Variants in PIGR observed in about 807,000 individuals in gnomAD.
PIGR encodes polymeric immunoglobulin receptor.
Under a neutral mutation model 69.5 loss-of-function variants are expected in PIGR, and 22 were observed. The ratio of observed to expected loss-of-function variants is 0.32; its 90% confidence interval spans 0.23 to 0.45. The LOEUF is 0.45. Among genes scored for constraint, PIGR ranks in the 20% least tolerant of loss-of-function variants. The pLI is 1.00. For missense variants in PIGR, 885 were observed against 974.0 expected (o/e 0.91, Z 1.22); for synonymous variants, 413 against 407.6 (o/e 1.01, Z -0.16).
chr1:206,940,299 C>T (rs947437749), intron 2 of PIGR, among the ~76,000 whole-genome samples, 190 bp downstream of exon 2: 1 of 152,178 alleles, frequency 6.6e-6, no homozygotes, highest in African/African-American at 2.4e-5. Flanking sequence ...CATTCCTGTC[C>T]CTGACTTCCA....
In PIGR at chr1:206,937,699, C is replaced by T. The variant is rs372767022; in HGVS notation, c.441G>A (p.Thr147=). ...TCTTGAAAGGGCAGTTGATGGTCAC[C>T]GTTCTGCCCAGGTCCACTGTGTAGA... ...TKVYTVDLGR[T]VTINCPFKTE... The change falls in exon 4 of 11, where the codon ACG becomes ACA. Residue 147 remains threonine, a synonymous_variant. Coordinates refer to ENST00000356495, the MANE Select transcript of PIGR (RefSeq NM_002644.4). The T allele has an allele frequency of 1.1e-5, 17 of 1,613,880 alleles. No individual in the cohort carries two copies. The highest frequency in any genetic ancestry group is 9.3e-5 in the African/African-American group (7 of 74,900).
intron 1 of PIGR, among the ~76,000 whole-genome samples, chr1:206,941,654 A>G (rs570268916): frequency 1.3e-5 from 2 of 152,332 alleles, no homozygotes; most frequent in South Asian, 4.1e-4. Context: ...GACAAAGATG[A>G]AGAATCGAAG....
intron 1 of PIGR, among the ~76,000 whole-genome samples, chr1:206,944,679 G>A (rs986372787): frequency 6.6e-5 from 10 of 152,122 alleles, no homozygotes; most frequent in Non-Finnish European, 1.2e-4. Flanking sequence ...AGTGACATTG[G>A]GACTCCAGCC....
chr1:206,931,065 C>T (rs564196430), intron 10 of PIGR: 19 of 985,378 alleles, frequency 1.9e-5, no homozygotes, highest in Middle Eastern at 5.2e-4. Context: ...AACTGCCCAC[C>T]GCAAGCAAAT....
rs200375930 is a variant in PIGR at position 206,935,696 on chromosome 1, C to T, written c.1168G>A (p.Ala390Thr). 1 of 1,614,016 alleles carries T rather than the reference C, an allele frequency of 6.2e-7. No individual in the cohort carries two copies. The highest frequency in any genetic ancestry group is 8.5e-7 in the Non-Finnish European group (1 of 1,179,990). The change falls in exon 5 of 11, where the codon GCC (alanine) becomes ACC (threonine). Residue 390 changes from alanine (A) to threonine (T), a missense_variant. Transcript: ENST00000356495. The surrounding 1 kb of genome is among the most constrained non-coding windows in gnomAD (Gnocchi z 4.4). ...AGCAGGGGGCAGCGGCCATTCTGGGCCCCTTCCCAGAGACACCAGTACTTG... is the reference window on the plus strand; with the variant it reads ...AGCAGGGGGCAGCGGCCATTCTGGGTCCCTTCCCAGAGACACCAGTACTTG... ...SIKYWCLWEG[A>T]QNGRCPLLVD...
At chr1:206,941,338 T>C (rs192143975) in intron 1 of PIGR, among the ~76,000 whole-genome samples, 1 of 152,202 alleles carries the variant, frequency 6.6e-6, no homozygotes, top group African/African-American at 2.4e-5. Flanking sequence ...GTCCATGTGC[T>C]TAACCTCTCC....
In PIGR at chr1:206,930,954, C is replaced by G; in HGVS notation, c.2200-541G>C. Reference sequence around the variant, plus strand: ...CATGAGATGTTATTTTTCTTGGTCCCCTGAGTCCTAGGGCAGATTGAGGGG... The same window carrying G: ...CATGAGATGTTATTTTTCTTGGTCCGCTGAGTCCTAGGGCAGATTGAGGGG... On this transcript the variant is annotated intron_variant, in intron 10 of 10. Transcript: ENST00000356495. This position sits in a 1 kb window ranked among gnomAD's most constrained non-coding sequence, Gnocchi z 4.3. 1.0e-6 allele frequency: 1 copy of G among 985,374 alleles called. No individual in the cohort carries two copies. The highest frequency in any genetic ancestry group is 1.7e-5 in the African/African-American group (1 of 57,340). 61.0% of individuals were successfully genotyped at this position (985,374 alleles called of 1,614,324 possible).
In PIGR at chr1:206,930,350, C is replaced by G; in HGVS notation, c.2263G>C (p.Ala755Pro). ...TCCTGGGGGCCGTCCTGGGCCTCGG[C>G]GGCCACGGTGCTGGACTGGAGCAGG... ...DFLLQSSTVA[A>P]EAQDGPQEA The change falls in exon 11 of 11, where the codon GCC (alanine) becomes CCC (proline). Residue 755 changes from alanine to proline, a missense_variant. By Grantham distance (27) the Ala-to-Pro change is conservative. Transcript: ENST00000356495. This position sits in a 1 kb window ranked among gnomAD's most constrained non-coding sequence, Gnocchi z 4.3. 1 of 1,611,510 alleles carries G rather than the reference C, an allele frequency of 6.2e-7. No individual in the cohort carries two copies. The highest frequency in any genetic ancestry group is 8.5e-7 in the Non-Finnish European group (1 of 1,178,740).
chr1:206,944,371 G>C (rs990318998), intron 1 of PIGR, among the ~76,000 whole-genome samples: 7 of 152,154 alleles, frequency 4.6e-5, no homozygotes, highest in African/African-American at 1.7e-4. Flanking sequence ...TACTCAGGAG[G>C]CTGAGGTAGG....
At position 206,933,015 on chromosome 1, in the gene PIGR, A is replaced by G. The variant is rs1196226610; in HGVS notation, c.1857T>C (p.Asp619=). The G allele has an allele frequency of 6.2e-7, 1 of 1,614,186 alleles. No homozygotes were observed. Among genetic ancestry groups the G allele is most frequent in the Non-Finnish European group, 8.5e-7 (1 of 1,180,034 alleles). ...CGGAATCCACAGATGCTCTGCTCCC[A>G]TCGGCTTGATCTCTTGTATCTGCCA... The part of the protein sequence containing the change: ...KAVADTRDQA[D]GSRASVDSGS... Residue 619 remains aspartate (D), a synonymous_variant, in exon 7 of 11, where the codon GAT becomes GAC. Transcript: ENST00000356495.
chr1:206,944,383 G>A (rs1433058242), intron 1 of PIGR, among the ~76,000 whole-genome samples: 1 of 152,142 alleles, frequency 6.6e-6, no homozygotes, highest in African/African-American at 2.4e-5. Flanking sequence ...TGAGGTAGGA[G>A]AATCGCTGGA....
chr1:206,939,295 T>C lies in PIGR; in HGVS notation c.212A>G (p.Glu71Gly). Residue 71 changes from glutamate (E) to glycine (G), a missense_variant, in exon 3 of 11, where the codon GAG becomes GGG. Physicochemically the swap from Glu to Gly is moderately conservative, Grantham distance 98. Transcript: ENST00000356495. The stretch of plus-strand genomic sequence containing the variant: ...TGCATATTTGCTGGAGACGTAGCCC[T>C]CCGAGGAGATGAGGGTTATGCAGCC... ...RGGCITLISS[E>G]GYVSSKYAGR... 1.2e-6 allele frequency: 2 copies of C among 1,614,208 alleles called. No homozygotes were observed. Among genetic ancestry groups the C allele is most frequent in the Non-Finnish European group, 1.7e-6 (2 of 1,180,036 alleles).
rs373387196 is a variant in PIGR at position 206,937,105 on chromosome 1, G to C, written c.1035C>G (p.Phe345Leu). The part of the protein sequence containing the change: ...EGSPIQAWQL[F>L]VNEESTIPRS... Reference sequence around the variant, plus strand: ...TCTCTAGGGTCTTACCCTCATTGACGAAGAGTTGCCAGGCCTGGATAGGCG... The same window carrying C: ...TCTCTAGGGTCTTACCCTCATTGACCAAGAGTTGCCAGGCCTGGATAGGCG... The change falls in exon 4 of 11, where the codon TTC becomes TTG. Residue 345 changes from phenylalanine to leucine, a missense_variant. By Grantham distance (22) the Phe-to-Leu change is conservative. Transcript: ENST00000356495. 71 of 1,596,494 alleles carry C rather than the reference G, an allele frequency of 4.4e-5. No individual in the cohort carries two copies. The highest frequency in any genetic ancestry group is 6.0e-5 in the Non-Finnish European group (70 of 1,171,342).
In PIGR at chr1:206,938,687, A is replaced by T. The variant is rs188470034; in HGVS notation, c.388+432T>A. On this transcript the variant is annotated intron_variant, in intron 3 of 10. Coordinates refer to ENST00000356495, the MANE Select transcript of PIGR (RefSeq NM_002644.4). ...CTAAGGGTTCCCAGGTTAAAAAAAA[A>T]ATATGCATTTTACAAGAAGCCTTTT... is the stretch of plus-strand genomic sequence containing the variant. 5.0e-4 allele frequency among the ~76,000 whole-genome samples: 76 copies of T among 152,328 alleles called. 1 individual carries two copies. The East Asian group carries it at 0.011, about 23-fold the overall frequency.
rs758445854 is a variant in PIGR at position 206,933,092 on chromosome 1, T to G, written c.1780A>C (p.Ile594Leu). 2 of 1,613,982 alleles carry G rather than the reference T, an allele frequency of 1.2e-6. No individual in the cohort carries two copies. The highest frequency in any genetic ancestry group is 4.5e-5 in the East Asian group (2 of 44,896). Residue 594 changes from isoleucine to leucine, a missense_variant, in exon 7 of 11, where the codon ATT (isoleucine) becomes CTT (leucine). Coordinates refer to ENST00000356495, the MANE Select transcript of PIGR (RefSeq NM_002644.4). ...GGATCCTGAATGGCTTTGTTCTCAA[T>G]CTCCCGAAAACCAGAGTCTAGCACC... ...EKVLDSGFRE[I>L]ENKAIQDPRL...
At chr1:206,931,252 C>G (rs1248661014) in intron 10 of PIGR, 4 of 985,332 alleles carry the variant, frequency 4.1e-6, no homozygotes, top group Middle Eastern at 5.2e-4. Context: ...CTGCCTCTCT[C>G]CTGCAGTTTT....
chr1:206,944,024 G>A (rs1305706209), intron 1 of PIGR, among the ~76,000 whole-genome samples: 5 of 152,218 alleles, frequency 3.3e-5, no homozygotes, highest in Admixed American at 6.5e-5. Context: ...TCTAGATCAA[G>A]AGCATAGGCC....
At chr1:206,940,147 T>C in intron 2 of PIGR, among the ~76,000 whole-genome samples, 1 of 152,100 alleles carries the variant, frequency 6.6e-6, no homozygotes. Context: ...TTCCCCCAGA[T>C]AAAAATATTG....
At chr1:206,931,882 G>C (rs550784070) in intron 8 of PIGR, 80 bp from the exon 9 acceptor site, 4 of 1,513,426 alleles carry the variant, frequency 2.6e-6, no homozygotes, top group Non-Finnish European at 3.7e-6. Flanking sequence ...CTCTCTGGGC[G>C]GATCCACTGT....
Sources: allele counts gnomAD v4.1 joint callset (sites outside exome capture counted in the v4.1 genomes callset), GRCh38; gene constraint gnomAD v4.1.1; non-coding constraint Gnocchi (gnomAD v3.1); transcripts MANE v1.5; gene names NCBI Gene and HGNC (gene_info 2026-07-23, HGNC 2026-07-21).